The following MDN1 variants were observed in gnomAD, a reference collection of about 807,000 sequenced individuals.
The protein encoded by MDN1 is midasin AAA ATPase 1, also known as midasin.
MDN1 carries 266 observed loss-of-function variants against 669.2 expected under a neutral mutation model. The observed-to-expected ratio is 0.40, with a 90% confidence interval of 0.36 to 0.44. The LOEUF (loss-of-function observed/expected upper bound fraction) is 0.44, where lower values mean the gene tolerates loss of function less well. Among genes scored for constraint, MDN1 ranks in the 20% least tolerant of loss-of-function variants. The pLI is 1.00. For missense variants in MDN1, 5,940 were observed against 6,754.0 expected (o/e 0.88, Z 4.22); for synonymous variants, 2,385 against 2,457.1 (o/e 0.97, Z 0.87).
intron 1 of MDN1, among the ~76,000 whole-genome samples, chr6:89,814,124 A>C (rs543047383): frequency 6.6e-6 from 1 of 152,244 alleles, no homozygotes; most frequent in Admixed American, 6.5e-5. Flanking sequence ...AACCAACTGA[A>C]TGAAGGTGAA....
At chr6:89,672,165 G>A (rs1810838598) in intron 82 of MDN1, 35 bp downstream of exon 82, 1 of 1,536,964 alleles carries the variant, frequency 6.5e-7, no homozygotes, top group Non-Finnish European at 8.7e-7. Flanking sequence ...AGTGCATTCT[G>A]AAGAGGAAGA....
Position 89,732,601 on chromosome 6 carries a change from A to G in MDN1, c.4898T>C (p.Phe1633Ser). Residue 1633 changes from phenylalanine to serine, a missense_variant, in exon 34 of 102, where the codon TTT becomes TCT. Physicochemically the swap from Phe to Ser is radical, Grantham distance 155. Transcript: ENST00000369393. The part of the protein sequence containing the change: ...RPEIISTVTS[F>S]VHAACLVYID... ...GTACACCAGGCATGCAGCATGGACA[A>G]AAGATGTCACAGTGGAGATGATCTC... The G allele has an allele frequency of 6.2e-7, 1 of 1,614,156 alleles. No homozygotes were observed. Among genetic ancestry groups the G allele is most frequent in the Non-Finnish European group, 8.5e-7 (1 of 1,180,018 alleles).
chr6:89,655,563 G>A (rs1431818690), intron 92 of MDN1, among the ~76,000 whole-genome samples: 2 of 152,094 alleles, frequency 1.3e-5, no homozygotes, highest in East Asian at 1.9e-4. Flanking sequence ...TGTTTACAAA[G>A]CCATTTCCTC....
In MDN1 at chr6:89,700,821, C is replaced by T; in HGVS notation, c.8463G>A (p.Lys2821=). Residue 2821 remains lysine, a synonymous_variant, in exon 56 of 102, where the codon AAG becomes AAA. Transcript: ENST00000369393. The part of the protein sequence containing the change: ...KLVVECFSQL[K]VLNKVLAIRE... The stretch of plus-strand genomic sequence containing the variant: ...TGATGGCAAGGACTTTGTTAAGGAC[C>T]TTCAGTTGTGAAAAACACTCCACCA... 1 of 1,614,188 alleles carries T rather than the reference C, an allele frequency of 6.2e-7. No homozygotes were observed. Among genetic ancestry groups the T allele is most frequent in the Non-Finnish European group, 8.5e-7 (1 of 1,180,028 alleles).
At position 89,655,885 on chromosome 6, in the gene MDN1, A is replaced by G; in HGVS notation, c.15369T>C (p.Thr5123=). 1 of 1,614,158 alleles carries G rather than the reference A, an allele frequency of 6.2e-7. No homozygotes were observed. The highest frequency in any genetic ancestry group is 1.1e-5 in the South Asian group (1 of 91,076). ...HNERVHKRLR[T]VDTDSHAEQG... ...GCTCGGCATGGCTGTCCGTATCCAC[A>G]GTCCTCAGCCTCTTGTGCACACGCT... Residue 5123 remains threonine (T), a synonymous_variant, in exon 92 of 102, where the codon ACT becomes ACC. Transcript: ENST00000369393.
chr6:89,751,047 A>G (rs556611472), intron 23 of MDN1, among the ~76,000 whole-genome samples: 113 of 151,806 alleles, frequency 7.4e-4, no homozygotes, highest in Non-Finnish European at 1.5e-3. Context: ...ATTCCTATAC[A>G]CTGAGAAGTA....
intron 85 of MDN1, among the ~76,000 whole-genome samples, chr6:89,663,784 A>G (rs969843930): frequency 6.6e-6 from 1 of 151,866 alleles, no homozygotes; most frequent in African/African-American, 2.4e-5. Flanking sequence ...AATACAAAAA[A>G]AAAAAGAATC....
At chr6:89,712,907 T>C in intron 47 of MDN1, 121 bp from the exon 48 acceptor site, 1 of 899,850 alleles carries the variant, frequency 1.1e-6, no homozygotes, top group Non-Finnish European at 1.7e-6. Flanking sequence ...CACTCTTCAA[T>C]GAAAAACACA....
At chr6:89,815,823 T>G (rs1241207427) in intron 1 of MDN1, among the ~76,000 whole-genome samples, 3 of 152,082 alleles carry the variant, frequency 2.0e-5, no homozygotes, top group African/African-American at 7.2e-5. Flanking sequence ...GTGTTTCCAG[T>G]GCCAAGGCCC....
chr6:89,768,105 C>T (rs1232748585), intron 15 of MDN1, among the ~76,000 whole-genome samples: 1 of 152,078 alleles, frequency 6.6e-6, no homozygotes, highest in Middle Eastern at 3.2e-3. Flanking sequence ...TACAGTGGCT[C>T]ATGCCTGTAA....
intron 40 of MDN1, among the ~76,000 whole-genome samples, chr6:89,722,505 A>G (rs118074433): frequency 6.6e-6 from 1 of 152,330 alleles, no homozygotes; most frequent in Non-Finnish European, 1.5e-5. Context: ...ACCCCAAGGT[A>G]GGAGAACGTT....
intron 1 of MDN1, among the ~76,000 whole-genome samples, chr6:89,804,706 A>G (rs1335271631): frequency 6.6e-6 from 1 of 152,190 alleles, no homozygotes; most frequent in Non-Finnish European, 1.5e-5. Flanking sequence ...CAAAGTAGAC[A>G]GCAACACTTT....
At position 89,658,349 on chromosome 6, in the gene MDN1, A is replaced by G. The variant is rs1336865382; in HGVS notation, c.15043T>C (p.Ser5015Pro). The G allele has an allele frequency of 3.7e-6, 6 of 1,614,186 alleles. No homozygotes were observed. The highest frequency in any genetic ancestry group is 1.6e-4 in the Middle Eastern group (1 of 6,062). ...TCTGGCACCTGCTCCTCTGTATCAGAGTCCTCCCGTTCTTCTTCCTCCTTC... is the reference window on the plus strand; with the variant it reads ...TCTGGCACCTGCTCCTCTGTATCAGGGTCCTCCCGTTCTTCTTCCTCCTTC... ...QPQEEEERED[S>P]DTEEQVPEAL... is the part of the protein sequence containing the mutation. Residue 5015 changes from serine (S) to proline (P), a missense_variant, in exon 90 of 102, where the codon TCT becomes CCT. Ser to Pro is a moderately conservative substitution (Grantham distance 74, BLOSUM62 -1). This residue lies in a region of MDN1 where 2,280 missense variants were observed against 2,576.3 expected (regional missense o/e 0.88). Coordinates refer to ENST00000369393, the MANE Select transcript of MDN1 (RefSeq NM_014611.3).
Position 89,761,613 on chromosome 6 carries a change from T to C in MDN1, c.2460+32A>G, listed in dbSNP as rs773458773. Reference sequence around the variant, plus strand: ...ACATTGTTTTGCATAAAATCAACGTTCCCATAAGCTAAATAACAAAAACAG... The same window carrying C: ...ACATTGTTTTGCATAAAATCAACGTCCCCATAAGCTAAATAACAAAAACAG... On this transcript the variant is annotated intron_variant, in intron 17 of 101. Coordinates refer to ENST00000369393, the MANE Select transcript of MDN1 (RefSeq NM_014611.3). The C allele has an allele frequency of 4.1e-6, 6 of 1,464,602 alleles. No individual in the cohort carries two copies. The South Asian group carries it at 7.3e-5, about 18-fold the overall frequency. 90.7% of individuals were successfully genotyped at this position (1,464,602 alleles called of 1,614,324 possible). A position where few individuals can be genotyped will look rare whatever the true frequency, so the allele number is the denominator to read the frequency against.
chr6:89,741,526 A>T (rs147877572), intron 31 of MDN1, among the ~76,000 whole-genome samples: 36 of 152,208 alleles, frequency 2.4e-4, no homozygotes, highest in African/African-American at 8.4e-4. Context: ...CAAAAGGTTA[A>T]AATTACGGCT....
intron 84 of MDN1, among the ~76,000 whole-genome samples, chr6:89,666,451 G>C (rs1810240124): frequency 6.6e-6 from 1 of 152,012 alleles, no homozygotes; most frequent in African/African-American, 2.4e-5. Context: ...TTTTAGTAGA[G>C]ATGGAGTTTT....
chr6:89,761,365 T>A lies in MDN1; in HGVS notation c.2460+280A>T, dbSNP rs552671288. Among the ~76,000 whole-genome samples, 27 of 152,356 alleles carry A rather than the reference T, an allele frequency of 1.8e-4. No homozygotes were observed. The East Asian group carries it at 5.0e-3, about 28-fold the overall frequency. On this transcript the variant is annotated intron_variant, in intron 17 of 101. Transcript: ENST00000369393. ...TTGAGATGATGAATATTCACTAGCTTTAGTTATTCCATACCGTATTCATAA... is the reference window on the plus strand; with the variant it reads ...TTGAGATGATGAATATTCACTAGCTATAGTTATTCCATACCGTATTCATAA...
At chr6:89,781,173 C>T in intron 10 of MDN1, 2 of 560,554 alleles carry the variant, frequency 3.6e-6, no homozygotes. Flanking sequence ...TCGAGCCTTC[C>T]CAGTCATTAA....
chr6:89,654,503 A>G (rs766694922), intron 92 of MDN1, among the ~76,000 whole-genome samples, 169 bp from the exon 93 acceptor site: 23 of 152,252 alleles, frequency 1.5e-4, no homozygotes, highest in Middle Eastern at 6.8e-3. Context: ...AAGATTTCCT[A>G]TTGACCTATT....
Sources: allele counts gnomAD v4.1 joint callset (sites outside exome capture counted in the v4.1 genomes callset), GRCh38; gene constraint gnomAD v4.1.1; regional missense constraint gnomAD v4.1.1; transcripts MANE v1.5; gene names NCBI Gene and HGNC (gene_info 2026-07-23, HGNC 2026-07-21).